The following MPPED2 variants were observed in gnomAD, a reference collection of about 807,000 sequenced individuals.
MPPED2 encodes metallophosphoesterase domain containing 2.
A neutral mutation model predicts 33.0 loss-of-function variants in MPPED2; 5 were observed. That is an observed-to-expected ratio of 0.15 (90% CI 0.08 to 0.32). The LOEUF is 0.32. MPPED2 is among the 10% of genes least tolerant of loss of function. The probability of loss-of-function intolerance (pLI) is 1.00; values close to 1 mark genes in which losing one functional copy is unlikely to be tolerated. For missense variants in MPPED2, 275 were observed against 372.1 expected, an observed-to-expected ratio of 0.74 and a Z score of 2.15; for synonymous variants, 136 against 141.9, an observed-to-expected ratio of 0.96 and a Z score of 0.29.
intron 4 of MPPED2, among the ~76,000 whole-genome samples, chr11:30,421,002 G>T (rs1948586358): frequency 6.6e-6 from 1 of 152,162 alleles, no homozygotes; most frequent in African/African-American, 2.4e-5. Context: ...AAAAGCATCT[G>T]TTTTGCTAGA....
At chr11:30,520,388 CA>C (rs1953798364) in intron 3 of MPPED2, among the ~76,000 whole-genome samples, 2 of 152,154 alleles carry the variant, frequency 1.3e-5, no homozygotes, top group Admixed American at 1.3e-4. Flanking sequence ...CTGGGAAATT[CA>C]GGCAATGTAA....
intron 4 of MPPED2, among the ~76,000 whole-genome samples, chr11:30,471,226 T>G (rs1950933985): frequency 6.6e-6 from 1 of 152,218 alleles, no homozygotes; most frequent in South Asian, 2.1e-4. Flanking sequence ...CAACATCTTG[T>G]TCCTGGACAA....
chr11:30,572,759 A>C (rs1956760452), intron 2 of MPPED2, among the ~76,000 whole-genome samples: 1 of 152,110 alleles, frequency 6.6e-6, no homozygotes, highest in Admixed American at 6.6e-5. Context: ...CCTCTGTGTG[A>C]GCGTTAGGGG....
intron 4 of MPPED2, among the ~76,000 whole-genome samples, chr11:30,434,202 G>T (rs1368925452): frequency 6.6e-6 from 1 of 152,168 alleles, no homozygotes; most frequent in Non-Finnish European, 1.5e-5. Flanking sequence ...CTGGGATTAG[G>T]ATGTGGACAT....
At chr11:30,537,512 GA>G (rs1954876703) in intron 2 of MPPED2, among the ~76,000 whole-genome samples, 1 of 152,070 alleles carries the variant, frequency 6.6e-6, no homozygotes. Flanking sequence ...TTTTCTTAAA[GA>G]AACAATCTGT....
intron 3 of MPPED2, among the ~76,000 whole-genome samples, chr11:30,528,359 G>T (rs1954322378): frequency 1.3e-5 from 2 of 152,178 alleles, no homozygotes; most frequent in South Asian, 4.1e-4. Context: ...GGGTTCAGGT[G>T]ATTCTCATGC....
intron 4 of MPPED2, among the ~76,000 whole-genome samples, chr11:30,457,843 T>C (rs1950344248): frequency 6.6e-6 from 1 of 152,210 alleles, no homozygotes; most frequent in Admixed American, 6.5e-5. Context: ...AACTCATACG[T>C]GAGTCTCCCC....
intron 1 of MPPED2, among the ~76,000 whole-genome samples, chr11:30,585,565 C>G (rs954929836): frequency 3.3e-5 from 5 of 152,092 alleles, no homozygotes; most frequent in Non-Finnish European, 7.4e-5. Flanking sequence ...TAGTAAACAG[C>G]TCGCTGAGCC....
intron 3 of MPPED2, among the ~76,000 whole-genome samples, chr11:30,503,665 A>G (rs756541576): frequency 1.1e-4 from 16 of 152,204 alleles, no homozygotes; most frequent in Non-Finnish European, 1.9e-4. Context: ...TTCCTGTATA[A>G]AAGAAAACCT....
At chr11:30,557,780 T>C (rs945194190) in intron 2 of MPPED2, among the ~76,000 whole-genome samples, 2 of 152,202 alleles carry the variant, frequency 1.3e-5, no homozygotes, top group African/African-American at 4.8e-5. Context: ...GAAAAGTTGC[T>C]ATAGTAATAT....
chr11:30,469,281 T>C (rs1433197955), intron 4 of MPPED2, among the ~76,000 whole-genome samples: 1 of 152,176 alleles, frequency 6.6e-6, no homozygotes, highest in Non-Finnish European at 1.5e-5. Context: ...ATGGACTATC[T>C]TTTTTTAATA....
intron 4 of MPPED2, among the ~76,000 whole-genome samples, chr11:30,446,201 C>T (rs1433960971): frequency 3.9e-5 from 6 of 152,160 alleles, no homozygotes; most frequent in Non-Finnish European, 7.3e-5. Flanking sequence ...ATTCTGTGTG[C>T]GGTTAGAGGA....
intron 4 of MPPED2, among the ~76,000 whole-genome samples, chr11:30,465,447 C>T (rs1950668195): frequency 6.6e-6 from 1 of 152,180 alleles, no homozygotes; most frequent in African/African-American, 2.4e-5. Context: ...GGCATCATGC[C>T]TGGCTAAATT....
chr11:30,436,054 T>C (rs1208353214), intron 4 of MPPED2, among the ~76,000 whole-genome samples: 1 of 131,538 alleles, frequency 7.6e-6, no homozygotes, highest in African/African-American at 3.1e-5. Context: ...TAGCATCTTT[T>C]TTTTTTTTTT....
chr11:30,560,315 A>ATT (rs1956182632), intron 2 of MPPED2, among the ~76,000 whole-genome samples: 2 of 151,644 alleles, frequency 1.3e-5, no homozygotes, highest in African/African-American at 4.9e-5. Context: ...TTTTTTTTAA[A>ATT]AAAAAAAAAT....
At chr11:30,539,043 G>T (rs891986613) in intron 2 of MPPED2, among the ~76,000 whole-genome samples, 2 of 152,150 alleles carry the variant, frequency 1.3e-5, no homozygotes, top group Non-Finnish European at 2.9e-5. Flanking sequence ...TTGAAAATAA[G>T]ACCTCTAGCA....
At chr11:30,454,342 C>A (rs776282274) in intron 4 of MPPED2, among the ~76,000 whole-genome samples, 87 of 152,034 alleles carry the variant, frequency 5.7e-4, no homozygotes, top group Non-Finnish European at 1.1e-3. Context: ...ACAGCCATAA[C>A]CACGATGTGT....
intron 4 of MPPED2, among the ~76,000 whole-genome samples, chr11:30,428,197 C>T (rs780281014): frequency 7.2e-5 from 11 of 152,142 alleles, no homozygotes; most frequent in Non-Finnish European, 1.3e-4. Flanking sequence ...TGAGCACCTG[C>T]TTAGTGCCAG....
At chr11:30,566,446 C>T (rs775222329) in intron 2 of MPPED2, among the ~76,000 whole-genome samples, 2 of 152,082 alleles carry the variant, frequency 1.3e-5, no homozygotes, top group Non-Finnish European at 2.9e-5. Flanking sequence ...CATTAGTGTA[C>T]GAGTATCAGA....
Sources: gnomAD v4.1 joint callset for allele counts (sites outside exome capture counted in the v4.1 genomes callset) on GRCh38, gnomAD v4.1.1 for gene constraint, MANE v1.5 for transcripts, NCBI Gene and HGNC (gene_info 2026-07-23, HGNC 2026-07-21) for gene names.